The following PCNX2 variants were observed in gnomAD, a reference collection of about 807,000 sequenced individuals.
The protein encoded by PCNX2 is pecanex-like protein 2.
A neutral mutation model predicts 223.8 loss-of-function variants in PCNX2; 168 were observed. The observed-to-expected ratio is 0.75, with a 90% CI of 0.66 to 0.85. PCNX2 has a LOEUF of 0.85. PCNX2 is among the 40% of genes least tolerant of loss of function. The probability of loss-of-function intolerance (pLI) is 0.00; values close to 1 mark genes in which losing one functional copy is unlikely to be tolerated. For synonymous variants in PCNX2, 1,006 were observed against 1,052.6 expected, an observed-to-expected ratio of 0.96 and a Z score of 0.86; for missense variants, 2,507 against 2,675.5, an observed-to-expected ratio of 0.94 and a Z score of 1.39.
At chr1:233,025,117 C>T (rs1419054819) in intron 26 of PCNX2, 29 bp downstream of exon 26, 1 of 1,612,124 alleles carries the variant, frequency 6.2e-7, no homozygotes, top group Admixed American at 1.7e-5. Flanking sequence ...AGCATTTCTG[C>T]CTTAGGTGTT....
intron 1 of PCNX2, 120 bp from the exon 2 acceptor site, chr1:233,263,283 CTAATTTTTT>C: frequency 1.1e-6 from 1 of 879,238 alleles, no homozygotes; most frequent in Non-Finnish European, 1.6e-6. Context: ...TCAAATTAGA[CTAATTTTTT>C]AAGTTTTCCT....
upstream of PCNX2, among the ~76,000 whole-genome samples, chr1:233,300,615 C>T (rs763782607): frequency 1.3e-5 from 2 of 152,148 alleles, no homozygotes; most frequent in Non-Finnish European, 2.9e-5. Context: ...AGTACAATCC[C>T]CTAATGTGCT....
At chr1:233,069,731 CATAGCTAAAGAAG>C (rs961205080) in intron 23 of PCNX2, among the ~76,000 whole-genome samples, 10 of 152,070 alleles carry the variant, frequency 6.6e-5, no homozygotes, top group African/African-American at 2.4e-4. Context: ...ATTTGTCGAA[CATAGCTAAAGAAG>C]TGTTGAAAGA....
rs1376692192 is a variant in PCNX2, at chr1:233,252,513, A to G, written c.1983-14T>C. 1 of 1,590,114 alleles carries G rather than the reference A, an allele frequency of 6.3e-7. No homozygotes were observed. Among genetic ancestry groups the G allele is most frequent in the Non-Finnish European group, 8.6e-7 (1 of 1,166,510 alleles). ...TTGCCCTGAAAACTTAACACATATA[A>G]AAGTTTCAAAAAAAATGATTAGAAG... On this transcript the variant is annotated splice_polypyrimidine_tract_variant and intron_variant, in intron 6 of 33. Transcript: ENST00000258229.
intron 23 of PCNX2, among the ~76,000 whole-genome samples, chr1:233,075,688 T>A (rs1673057815): frequency 7.4e-6 from 1 of 135,806 alleles, no homozygotes; most frequent in Non-Finnish European, 1.5e-5. Context: ...AATCTGCAGT[T>A]AGCTTAAAAC....
At chr1:233,071,552 C>A (rs1220180361) in intron 23 of PCNX2, among the ~76,000 whole-genome samples, 1 of 151,978 alleles carries the variant, frequency 6.6e-6, no homozygotes, top group Non-Finnish European at 1.5e-5. Flanking sequence ...CTTTATCCAG[C>A]CCAACACTGA....
At chr1:233,032,406 A>T (rs75616563) in intron 25 of PCNX2, among the ~76,000 whole-genome samples, 2,786 of 152,256 alleles carry the variant, frequency 0.018, 88 homozygotes, top group African/African-American at 0.064. Flanking sequence ...CCCAGCCGAC[A>T]GTTTTCAGAA....
intron 21 of PCNX2, among the ~76,000 whole-genome samples, chr1:233,129,549 T>C (rs1049640141): frequency 1.3e-5 from 2 of 152,222 alleles, no homozygotes; most frequent in African/African-American, 4.8e-5. Context: ...GCGGCCTCAG[T>C]GTGGGATCCA....
chr1:233,057,446 G>A, intron 23 of PCNX2, 156 bp from the exon 24 acceptor site: 1 of 629,660 alleles, frequency 1.6e-6, no homozygotes, highest in Admixed American at 2.6e-5. Flanking sequence ...CAGGAAGAGA[G>A]GAGTCTCATG....
chr1:233,294,841 GTAAC>G (rs1352206349), intron 1 of PCNX2, among the ~76,000 whole-genome samples: 2 of 84,440 alleles, frequency 2.4e-5, no homozygotes, highest in Non-Finnish European at 5.2e-5. Context: ...TACAATGTGA[GTAAC>G]TGATAACTGA....
Position 233,179,245 on chromosome 1 carries a change from T to G in PCNX2, c.3067-70A>C, listed in dbSNP as rs1572028633. On this transcript the variant is annotated intron_variant, in intron 15 of 33. Coordinates refer to ENST00000258229, the MANE Select transcript of PCNX2 (RefSeq NM_014801.4). ...GAATAGCAGGATCTCTATCAGACAT[T>G]TAGAAATATCCCCAAGGTCCAGCTG... The G allele has an allele frequency of 3.4e-6, 5 of 1,484,216 alleles. No individual in the cohort carries two copies. In the East Asian group the frequency reaches 1.1e-4, roughly 34 times the overall value. The allele number at this position is 1,484,216 out of a possible 1,614,324, so 91.9% of individuals were successfully genotyped here.
intron 19 of PCNX2, among the ~76,000 whole-genome samples, chr1:233,157,506 C>T (rs1678200294): frequency 1.3e-5 from 2 of 152,208 alleles, no homozygotes; most frequent in Non-Finnish European, 2.9e-5. Flanking sequence ...ACCACTGTGT[C>T]CCAGCAGTGG....
rs369604295 is a variant in PCNX2 at position 233,182,707 on chromosome 1, A to C, written c.3067-3532T>G. Among the ~76,000 whole-genome samples the C allele has an allele frequency of 9.8e-4, 149 of 151,950 alleles. 3 individuals carry two copies. The South Asian group carries it at 0.03, about 31-fold the overall frequency. On this transcript the variant is annotated intron_variant, in intron 15 of 33. Coordinates refer to ENST00000258229, the MANE Select transcript of PCNX2 (RefSeq NM_014801.4). The stretch of plus-strand genomic sequence containing the variant: ...CCTTTGCCTACATGGTTCCATCTGC[A>C]CAGAGGGCTCTTCTGTCCTGACTCC...
At chr1:233,264,303 T>C (rs1660216969) in intron 1 of PCNX2, among the ~76,000 whole-genome samples, 1 of 152,194 alleles carries the variant, frequency 6.6e-6, no homozygotes, top group Non-Finnish European at 1.5e-5. Context: ...GCCTCAATGA[T>C]TCGCAAGACC....
chr1:233,102,042 A>G (rs1674508965), intron 21 of PCNX2, among the ~76,000 whole-genome samples: 1 of 151,636 alleles, frequency 6.6e-6, no homozygotes, highest in East Asian at 1.9e-4. Context: ...GTAGTGGAGG[A>G]TGATAAAACT....
At chr1:233,012,767 G>A (rs3753423) in intron 28 of PCNX2, among the ~76,000 whole-genome samples, 14 of 152,180 alleles carry the variant, frequency 9.2e-5, no homozygotes, top group Middle Eastern at 3.4e-3. Context: ...GACTGAAAAA[G>A]CTTTTGAAAA....
chr1:233,057,855 A>G (rs1672249899), intron 23 of PCNX2: 1 of 946,094 alleles, frequency 1.1e-6, no homozygotes, highest in Non-Finnish European at 1.3e-6. Flanking sequence ...GCAAGACTCA[A>G]AAAAAAAAAA....
chr1:233,215,462 T>C (rs1053677013), intron 12 of PCNX2, among the ~76,000 whole-genome samples: 1 of 152,228 alleles, frequency 6.6e-6, no homozygotes, highest in African/African-American at 2.4e-5. Flanking sequence ...AGCAGCTTGA[T>C]TGATTCCTCT....
rs557343592 is a variant in PCNX2 at position 233,069,357 on chromosome 1, T to C, written c.4077-12067A>G. ...AACTCAGTAACACTATCAACCATCA[T>C]TACCTATTCAACATTTACTGCACAC... On this transcript the variant is annotated intron_variant, in intron 23 of 33. Transcript: ENST00000258229. 5.3e-5 allele frequency among the ~76,000 whole-genome samples: 8 copies of C among 152,208 alleles called. No homozygotes were observed. In the South Asian group the frequency reaches 1.7e-3, roughly 32 times the overall value.
Sources: gnomAD v4.1 joint callset for allele counts (sites outside exome capture counted in the v4.1 genomes callset) on GRCh38, gnomAD v4.1.1 for gene constraint, MANE v1.5 for transcripts, NCBI Gene and HGNC (gene_info 2026-07-23, HGNC 2026-07-21) for gene names.